Variants in WWOX observed in about 807,000 individuals in gnomAD.
WWOX encodes the protein WW domain-containing oxidoreductase.
WWOX carries 69 observed loss-of-function variants against 46.2 expected under a neutral mutation model. The observed-to-expected ratio is 1.49, with a 90% CI of 1.23 to 1.82. The LOEUF is 1.82. Ranked by LOEUF, WWOX falls within the 40% of genes most tolerant of loss-of-function variation. The pLI, the probability that WWOX is intolerant of heterozygous loss-of-function variation, is 0.00. For missense variants in WWOX, 919 were observed against 542.6 expected, an observed-to-expected ratio of 1.69 and a Z score of -6.89; for synonymous variants, 359 against 202.6, an observed-to-expected ratio of 1.77 and a Z score of -6.56.
intron 8 of WWOX, among the ~76,000 whole-genome samples, chr16:78,627,149 C>G (rs1360227774): frequency 6.6e-6 from 1 of 152,078 alleles, no homozygotes; most frequent in East Asian, 1.9e-4. Flanking sequence ...GAGCAGTAGG[C>G]AGTGTGGGTG....
chr16:78,238,835 T>C (rs570446402), intron 5 of WWOX, among the ~76,000 whole-genome samples: 1 of 152,038 alleles, frequency 6.6e-6, no homozygotes, highest in South Asian at 2.1e-4. Flanking sequence ...GTCAGGCTGG[T>C]CTCGAACTCC....
At chr16:78,445,537 C>G (rs898284139) in intron 8 of WWOX, among the ~76,000 whole-genome samples, 6 of 152,122 alleles carry the variant, frequency 3.9e-5, no homozygotes, top group African/African-American at 1.4e-4. Context: ...CAGGAAGGAG[C>G]TTTAATTTGA....
chr16:78,798,733 A>G (rs550081117), intron 8 of WWOX, among the ~76,000 whole-genome samples: 6 of 152,320 alleles, frequency 3.9e-5, no homozygotes, highest in South Asian at 4.1e-4. Context: ...GAGTATAACA[A>G]TGATAAATGA....
At chr16:78,382,871 A>G (rs1597137248) in intron 5 of WWOX, among the ~76,000 whole-genome samples, 2 of 151,410 alleles carry the variant, frequency 1.3e-5, no homozygotes, top group South Asian at 2.1e-4. Flanking sequence ...CTATATAAAC[A>G]TACCTGAGAC....
At chr16:78,574,477 A>G (rs2044798387) in intron 8 of WWOX, among the ~76,000 whole-genome samples, 2 of 152,030 alleles carry the variant, frequency 1.3e-5, no homozygotes, top group African/African-American at 2.4e-5. Flanking sequence ...AATCCTATCT[A>G]AAGTTGTCGG....
chr16:78,462,021 C>CATAA, intron 8 of WWOX, among the ~76,000 whole-genome samples: 1 of 152,208 alleles, frequency 6.6e-6, no homozygotes, highest in Non-Finnish European at 1.5e-5. Context: ...CTGGTTTTAG[C>CATAA]CCTCAGGCAA....
intron 8 of WWOX, among the ~76,000 whole-genome samples, chr16:78,827,732 T>A (rs1028426100): frequency 6.6e-6 from 1 of 151,776 alleles, no homozygotes; most frequent in Admixed American, 6.6e-5. Context: ...TCCCAGCTAC[T>A]TGGGAGGCTA....
intron 5 of WWOX, among the ~76,000 whole-genome samples, chr16:78,377,501 G>A (rs138858518): frequency 6.6e-6 from 1 of 152,008 alleles, no homozygotes; most frequent in African/African-American, 2.4e-5. Context: ...TATAGTTAAC[G>A]TAAATCATCA....
At position 78,436,655 on chromosome 16, in the gene WWOX, C is replaced by T. The variant is rs935730584; in HGVS notation, c.1056+3903C>T. Among the ~76,000 whole-genome samples the T allele has an allele frequency of 2.6e-5, 4 of 152,150 alleles. No homozygotes were observed. In the South Asian group the frequency reaches 8.3e-4, roughly 32 times the overall value. On this transcript the variant is annotated intron_variant, in intron 8 of 8. Transcript: ENST00000566780. ...ACTTCATGCAGAGGTGGAATTGGCGCTCTGAGCTTGCTTGTCAAATTCACA... is the reference window on the plus strand; with the variant it reads ...ACTTCATGCAGAGGTGGAATTGGCGTTCTGAGCTTGCTTGTCAAATTCACA...
rs148918833 is a variant in WWOX, at chr16:78,317,891, T to G, written c.517-68969T>G. Among the ~76,000 whole-genome samples, 109 of 152,338 alleles carry G rather than the reference T, an allele frequency of 7.2e-4. 1 individual carries two copies. The highest frequency in any genetic ancestry group is 2.3e-3 in the African/African-American group (97 of 41,582). ...TCCCCGTAAACATCTTCTGTTTCTG[T>G]TTTAGAAGACATTGCTAATCCCCTC... On this transcript the variant is annotated intron_variant, in intron 5 of 8. Transcript: ENST00000566780.
intron 8 of WWOX, among the ~76,000 whole-genome samples, chr16:79,121,227 C>G (rs1452262713): frequency 6.6e-6 from 1 of 152,164 alleles, no homozygotes. Context: ...TGGGTATCCT[C>G]TGGGGCAGGG....
chr16:78,963,633 G>C (rs1011561527), intron 8 of WWOX, among the ~76,000 whole-genome samples: 1 of 152,142 alleles, frequency 6.6e-6, no homozygotes, highest in South Asian at 2.1e-4. Flanking sequence ...AATAATTAAG[G>C]TGATGTCATG....
intron 8 of WWOX, among the ~76,000 whole-genome samples, chr16:79,049,235 GC>G (rs1362158210): frequency 6.6e-6 from 1 of 152,196 alleles, no homozygotes; most frequent in African/African-American, 2.4e-5. Flanking sequence ...GTGGCTGTGT[GC>G]CAATTAAACT....
chr16:78,696,788 T>G (rs1243798643), intron 8 of WWOX, among the ~76,000 whole-genome samples: 1 of 152,046 alleles, frequency 6.6e-6, no homozygotes, highest in Non-Finnish European at 1.5e-5. Context: ...CTGCATCCAG[T>G]TTGTACTCCT....
intron 8 of WWOX, among the ~76,000 whole-genome samples, chr16:78,992,639 C>A (rs548485385): frequency 6.6e-6 from 1 of 152,162 alleles, no homozygotes; most frequent in African/African-American, 2.4e-5. Flanking sequence ...ATGATCCCAT[C>A]TTAATGTCTG....
At chr16:79,146,808 T>C (rs2150725512) in intron 8 of WWOX, among the ~76,000 whole-genome samples, 1 of 152,232 alleles carries the variant, frequency 6.6e-6, no homozygotes, top group East Asian at 1.9e-4. Flanking sequence ...AGTGCTAGGA[T>C]TGGAGACCCC....
At chr16:78,853,684 G>A (rs545541470) in intron 8 of WWOX, among the ~76,000 whole-genome samples, 3 of 152,196 alleles carry the variant, frequency 2.0e-5, no homozygotes, top group African/African-American at 7.2e-5. Context: ...CTAAAGTAAT[G>A]TAGTATGCAC....
chr16:79,025,420 C>G (rs532381057), intron 8 of WWOX, among the ~76,000 whole-genome samples: 12 of 152,108 alleles, frequency 7.9e-5, no homozygotes, highest in African/African-American at 1.7e-4. Context: ...TGGGTGGACC[C>G]TAAATCCAAT....
chr16:79,073,264 C>T (rs995389618), intron 8 of WWOX, among the ~76,000 whole-genome samples: 1 of 151,894 alleles, frequency 6.6e-6, no homozygotes, highest in African/African-American at 2.4e-5. Flanking sequence ...ACTGCGACCT[C>T]CACCTCTTGG....
Sources: gnomAD v4.1 joint callset for allele counts (sites outside exome capture counted in the v4.1 genomes callset) on GRCh38, gnomAD v4.1.1 for gene constraint, MANE v1.5 for transcripts, NCBI Gene and HGNC (gene_info 2026-07-23, HGNC 2026-07-21) for gene names.